The following TET3 variants were observed in gnomAD, a reference collection of about 807,000 sequenced individuals.
The protein encoded by TET3 is methylcytosine dioxygenase TET3.
In TET3, 19 loss-of-function variants were observed where a neutral mutation model predicts 141.4. That is an observed-to-expected ratio of 0.13 (90% CI 0.09 to 0.20). The LOEUF (loss-of-function observed/expected upper bound fraction) is 0.20. Ranked by LOEUF, TET3 falls within the 10% of genes least tolerant of loss-of-function variation. The probability of loss-of-function intolerance (pLI) is 1.00; values close to 1 mark genes in which losing one functional copy is unlikely to be tolerated. For synonymous variants in TET3, 1,043 were observed against 980.9 expected (o/e 1.06, Z -1.18); for missense variants, 1,874 against 2,356.9 (o/e 0.80, Z 4.24).
chr2:74,086,232 A>G (rs1446199807), intron 6 of TET3, among the ~76,000 whole-genome samples: 3 of 151,966 alleles, frequency 2.0e-5, no homozygotes, highest in South Asian at 2.1e-4. Flanking sequence ...TTCTCTGGCA[A>G]TTTTCAGCCA....
In TET3 at chr2:74,104,484, C is replaced by T. The variant is rs1263583017; in HGVS notation, c.*2308C>T. Reference sequence around the variant, plus strand: ...CGCATCAGTACTTTTATGCAGGTCTCATTTGACTCCGTGCTTAGGTAGATG... The same window carrying T: ...CGCATCAGTACTTTTATGCAGGTCTTATTTGACTCCGTGCTTAGGTAGATG... On this transcript the variant is annotated 3_prime_UTR_variant, in exon 12 of 12. Coordinates refer to ENST00000409262, the MANE Select transcript of TET3 (RefSeq NM_001287491.2). 1 of 152,194 alleles carries T rather than the reference C, an allele frequency of 6.6e-6. No individual in the cohort carries two copies. The highest frequency in any genetic ancestry group is 2.4e-5 in the African/African-American group (1 of 41,430). The allele number at this position is 152,194 out of a possible 1,614,324, so 9.4% of individuals were successfully genotyped here. A position where few individuals can be genotyped will look rare whatever the true frequency, so the allele number is the denominator to read the frequency against.
intron 3 of TET3, among the ~76,000 whole-genome samples, chr2:74,021,090 A>T (rs969829244): frequency 5.9e-5 from 9 of 152,200 alleles, no homozygotes; most frequent in Non-Finnish European, 1.2e-4. Context: ...ATCTGGAAGT[A>T]TTGCTCTATC....
intron 2 of TET3, chr2:74,002,705 G>GGCC (rs1022652603): frequency 4.6e-6 from 2 of 434,432 alleles, no homozygotes; most frequent in Non-Finnish European, 8.1e-6. Context: ...GCCGGCAGCT[G>GGCC]GCCGCCGCCT....
intron 3 of TET3, among the ~76,000 whole-genome samples, chr2:74,044,438 G>C (rs1171012737): frequency 6.6e-6 from 1 of 152,090 alleles, no homozygotes; most frequent in Non-Finnish European, 1.5e-5. Flanking sequence ...TTGAGTACAT[G>C]ATGTTCCTCA....
chr2:74,064,753 T>C lies in TET3; in HGVS notation c.2495-8796T>C, dbSNP rs969633849. 1.3e-5 allele frequency among the ~76,000 whole-genome samples: 2 copies of C among 152,134 alleles called. 1 individual carries two copies. Among genetic ancestry groups the C allele is most frequent in the Non-Finnish European group, 2.9e-5 (2 of 68,020 alleles). On this transcript the variant is annotated intron_variant, in intron 4 of 11. Transcript: ENST00000409262. ...ACGCTTTTTGGAGATTTGTAAAAAATTTGAAAAAACTGACAAAATGCATAG... is the reference window on the plus strand; with the variant it reads ...ACGCTTTTTGGAGATTTGTAAAAAACTTGAAAAAACTGACAAAATGCATAG...
At chr2:74,080,373 T>G in intron 5 of TET3, 125 bp from the exon 6 acceptor site, 1 of 787,414 alleles carries the variant, frequency 1.3e-6, no homozygotes, top group Non-Finnish European at 2.1e-6. Flanking sequence ...TTTCTCTTTC[T>G]TCTCTGTTGC....
At chr2:73,993,840 C>T (rs192110284) in intron 2 of TET3, 1 of 152,332 alleles carries the variant, frequency 6.6e-6, no homozygotes, top group East Asian at 1.9e-4. Context: ...AGCTCCATGA[C>T]CCAGTAGTAG....
chr2:74,040,101 A>G (rs1200255474), intron 3 of TET3, among the ~76,000 whole-genome samples: 2 of 152,248 alleles, frequency 1.3e-5, no homozygotes, highest in Non-Finnish European at 2.9e-5. Flanking sequence ...CACTCGATGC[A>G]TATGAATGGC....
chr2:74,049,045 C>T (rs1377314144), intron 4 of TET3, among the ~76,000 whole-genome samples: 2 of 152,046 alleles, frequency 1.3e-5, no homozygotes, highest in African/African-American at 2.4e-5. Context: ...CTTGAGGGCA[C>T]TGAGGAGACA....
intron 4 of TET3, among the ~76,000 whole-genome samples, chr2:74,072,424 ATTACT>A (rs1168010429): frequency 6.6e-6 from 1 of 152,024 alleles, no homozygotes; most frequent in Non-Finnish European, 1.5e-5. Context: ...AGGCATGAGA[ATTACT>A]TGAACCTGGG....
chr2:74,067,385 A>G (rs573278342), intron 4 of TET3, among the ~76,000 whole-genome samples: 3 of 152,348 alleles, frequency 2.0e-5, no homozygotes, highest in African/African-American at 7.2e-5. Context: ...CGGAGCCTGG[A>G]CAACAGCTAC....
the TET3 span, among the ~76,000 whole-genome samples, chr2:74,119,874 T>G: frequency 6.6e-6 from 1 of 152,254 alleles, no homozygotes; most frequent in African/African-American, 2.4e-5. Flanking sequence ...TGTGGTAATA[T>G]GAACCCATGG....
At chr2:74,066,397 T>C (rs1688903418) in intron 4 of TET3, among the ~76,000 whole-genome samples, 1 of 152,264 alleles carries the variant, frequency 6.6e-6, no homozygotes, top group Non-Finnish European at 1.5e-5. Flanking sequence ...GTAGTGTATA[T>C]ATATATGTTA....
At chr2:74,131,335 G>A in the TET3 span, among the ~76,000 whole-genome samples, 1 of 152,190 alleles carries the variant, frequency 6.6e-6, no homozygotes, top group South Asian at 2.1e-4. Context: ...TGGATTCGCA[G>A]GTCCGTTAGC....
chr2:73,987,486 T>C (rs545990203), intron 2 of TET3, among the ~76,000 whole-genome samples: 1 of 152,330 alleles, frequency 6.6e-6, no homozygotes, highest in African/African-American at 2.4e-5. Context: ...ATTGGCCGTC[T>C]TTCCCTCCCA....
chr2:73,991,283 T>A (rs1684309148), intron 2 of TET3, among the ~76,000 whole-genome samples: 1 of 151,978 alleles, frequency 6.6e-6, no homozygotes, highest in South Asian at 2.1e-4. Context: ...ATAGAATTGC[T>A]TGTTAAAAAG....
chr2:74,071,411 G>A (rs952796320), intron 4 of TET3, among the ~76,000 whole-genome samples: 13 of 152,234 alleles, frequency 8.5e-5, no homozygotes, highest in African/African-American at 2.4e-4. Context: ...CTAAGATTTC[G>A]CCTAAGGATC....
At chr2:74,128,874 C>G in the TET3 span, among the ~76,000 whole-genome samples, 1 of 151,582 alleles carries the variant, frequency 6.6e-6, no homozygotes, top group Non-Finnish European at 1.5e-5. Context: ...CACCTATACT[C>G]CCAGCTACTT....
chr2:73,998,353 A>G (rs542637192), intron 2 of TET3: 3 of 152,342 alleles, frequency 2.0e-5, no homozygotes, highest in East Asian at 3.9e-4. Context: ...GAGCATCTCA[A>G]AGGGCATGTA....
Sources: gnomAD v4.1 joint callset for allele counts (sites outside exome capture counted in the v4.1 genomes callset) on GRCh38, gnomAD v4.1.1 for gene constraint, MANE v1.5 for transcripts, NCBI Gene and HGNC (gene_info 2026-07-23, HGNC 2026-07-21) for gene names.